ADAMTS12: variants seen among roughly 807,000 people sequenced by gnomAD.
ADAMTS12 encodes the protein ADAM metallopeptidase with thrombospondin type 1 motif 12.
ADAMTS12 carries 118 observed loss-of-function variants against 167.8 expected under a neutral mutation model. The observed-to-expected ratio is 0.70, with a 90% CI of 0.61 to 0.82. The LOEUF (loss-of-function observed/expected upper bound fraction) is 0.82. Among genes scored for constraint, ADAMTS12 ranks in the 40% least tolerant of loss-of-function variants. The probability of loss-of-function intolerance (pLI) is 0.00; values close to 1 mark genes in which losing one functional copy is unlikely to be tolerated. For synonymous variants in ADAMTS12, 704 were observed against 716.9 expected (o/e 0.98, Z 0.29); for missense variants, 1,916 against 1,998.8 (o/e 0.96, Z 0.79).
intron 18 of ADAMTS12, among the ~76,000 whole-genome samples, chr5:33,577,502 A>T (rs1746820315): frequency 6.6e-6 from 1 of 152,228 alleles, no homozygotes; most frequent in Non-Finnish European, 1.5e-5. Flanking sequence ...AGAGCTAGTA[A>T]GTCACACTGT....
chr5:33,889,870 T>C (rs1275446381), intron 1 of ADAMTS12, among the ~76,000 whole-genome samples: 1 of 152,130 alleles, frequency 6.6e-6, no homozygotes, highest in Non-Finnish European at 1.5e-5. Context: ...GAGAATCACT[T>C]GAACCCGGGA....
intron 1 of ADAMTS12, among the ~76,000 whole-genome samples, chr5:33,888,636 TAA>T (rs1449200737): frequency 6.6e-6 from 1 of 152,182 alleles, no homozygotes; most frequent in Non-Finnish European, 1.5e-5. Flanking sequence ...TAATATGGAA[TAA>T]AGTGACTGTC....
intron 2 of ADAMTS12, among the ~76,000 whole-genome samples, chr5:33,786,245 C>T (rs1412144426): frequency 6.6e-6 from 1 of 152,000 alleles, no homozygotes; most frequent in South Asian, 2.1e-4. Context: ...TCCACAACTG[C>T]CTAAATTTAC....
Position 33,614,349 on chromosome 5 carries a change from T to C in ADAMTS12, c.2416A>G (p.Ile806Val). ...QLLFQVTNPG[I>V]KYEYTIQKDG... ...TTCTGGATTGTGTACTCATACTTGA[T>C]GCCAGGGTTAGTCACCTGGAATAGA... The change falls in exon 16 of 24, where the codon ATC becomes GTC. Residue 806 changes from isoleucine (I) to valine (V), a missense_variant. Transcript: ENST00000504830. The C allele has an allele frequency of 6.2e-7, 1 of 1,614,134 alleles. No individual in the cohort carries two copies. Among genetic ancestry groups the C allele is most frequent in the Non-Finnish European group, 8.5e-7 (1 of 1,179,976 alleles).
intron 11 of ADAMTS12, among the ~76,000 whole-genome samples, chr5:33,639,062 G>A (rs1740330121): frequency 1.3e-5 from 2 of 152,094 alleles, no homozygotes; most frequent in Admixed American, 1.3e-4. Context: ...ATCTGAATAA[G>A]TTACCTCATT....
chr5:33,844,995 C>T (rs1748891681), intron 2 of ADAMTS12, among the ~76,000 whole-genome samples: 1 of 152,158 alleles, frequency 6.6e-6, no homozygotes, highest in Admixed American at 6.5e-5. Context: ...AGACCACAGT[C>T]GGCCACAGGT....
chr5:33,629,360 C>A (rs78395356), intron 13 of ADAMTS12, among the ~76,000 whole-genome samples: 52,583 of 151,944 alleles, frequency 0.35, 10,248 homozygotes, highest in African/African-American at 0.54. Flanking sequence ...AGTGGAAAAA[C>A]ATATTATAAA....
In ADAMTS12 at chr5:33,576,056, C is replaced by T. The variant is rs775018098; in HGVS notation, c.3970G>A (p.Glu1324Lys). 1.4e-5 allele frequency: 23 copies of T among 1,610,188 alleles called. 1 individual carries two copies. Among genetic ancestry groups the T allele is most frequent in the Middle Eastern group, 1.6e-4 (1 of 6,066 alleles). ...SAHWIVGNWS[E>K]CSTTCGLGAY... ...GCCAGGGGTAGGAAATGTCTTACCT[C>T]GCTCCAGTTTCCGACGATCCAGTGT... The change falls in exon 19 of 24, where the codon GAG (glutamate) becomes AAG (lysine). Residue 1324 changes from glutamate to lysine, a missense_variant and splice_region_variant. Transcript: ENST00000504830.
At chr5:33,686,803 G>C (rs958640313) in intron 3 of ADAMTS12, among the ~76,000 whole-genome samples, 5 of 150,868 alleles carry the variant, frequency 3.3e-5, no homozygotes, top group African/African-American at 4.9e-5. Flanking sequence ...TATATATAGA[G>C]AGAGAGAGGG....
intron 2 of ADAMTS12, among the ~76,000 whole-genome samples, chr5:33,811,946 A>G (rs10062345): frequency 0.76 from 116,132 of 151,866 alleles, 44,703 homozygotes; most frequent in African/African-American, 0.84. Flanking sequence ...AGGAAGAGAG[A>G]GTGAAGTCAG....
chr5:33,780,208 T>G (rs932760170), intron 2 of ADAMTS12, among the ~76,000 whole-genome samples: 34 of 152,212 alleles, frequency 2.2e-4, no homozygotes, highest in Admixed American at 1.9e-3. Flanking sequence ...AAAATTTACC[T>G]TAACAATTAA....
chr5:33,696,808 G>C (rs1299859091), intron 3 of ADAMTS12, among the ~76,000 whole-genome samples: 4 of 152,214 alleles, frequency 2.6e-5, no homozygotes, highest in Non-Finnish European at 5.9e-5. Context: ...TGACAAACCA[G>C]TCTTGGCTTC....
chr5:33,527,212 C>A lies in ADAMTS12; in HGVS notation c.4761G>T (p.Leu1587Phe). The A allele has an allele frequency of 6.2e-7, 1 of 1,614,084 alleles. No homozygotes were observed. Among genetic ancestry groups the A allele is most frequent in the Non-Finnish European group, 8.5e-7 (1 of 1,180,004 alleles). ...CTTAGAGTTCTTTTGACTTTTGGAG[C>A]AACCGTTGCCTTCTTTGCCTTTGGG... ...THTQRQRRQR[L>F]LQKSKEL is the part of the protein sequence containing the mutation. Residue 1587 changes from leucine (L) to phenylalanine (F), a missense_variant, in exon 24 of 24, where the codon TTG becomes TTT. By Grantham distance (22) the Leu-to-Phe change is conservative (BLOSUM62 0). Transcript: ENST00000504830.
In ADAMTS12 at chr5:33,849,591, C is replaced by CATATGTACTGCATAGCAATAT. The variant is rs1749130844; in HGVS notation, c.489+31527_489+31528insATATTGCTATGCAGTACATAT. The stretch of plus-strand genomic sequence containing the variant: ...CACATGTGTATTGCATAGCAATACA[C>CATATGTACTGCATAGCAATAT]ATATGTATTGCATAGCAATATATAT... On this transcript the variant is annotated intron_variant, in intron 2 of 23. Transcript: ENST00000504830. Among the ~76,000 whole-genome samples the CATATGTACTGCATAGCAATAT allele has an allele frequency of 7.2e-5, 5 of 68,992 alleles. 1 individual carries two copies. Among genetic ancestry groups the CATATGTACTGCATAGCAATAT allele is most frequent in the Non-Finnish European group, 1.5e-4 (5 of 33,102 alleles). 45.3% of individuals were successfully genotyped at this position (68,992 alleles called of 152,430 possible).
At chr5:33,655,549 T>A (rs1316690528) in intron 7 of ADAMTS12, among the ~76,000 whole-genome samples, 1 of 151,984 alleles carries the variant, frequency 6.6e-6, no homozygotes, top group Non-Finnish European at 1.5e-5. Flanking sequence ...TCCCTACTGG[T>A]ATTTCCTTTA....
intron 20 of ADAMTS12, among the ~76,000 whole-genome samples, chr5:33,555,345 A>C (rs2111860560): frequency 6.6e-6 from 1 of 152,250 alleles, no homozygotes. Flanking sequence ...CTTGGGCTCA[A>C]GTGATCCGTC....
chr5:33,535,671 T>C (rs1023176445), intron 22 of ADAMTS12, among the ~76,000 whole-genome samples: 16 of 151,690 alleles, frequency 1.1e-4, no homozygotes, highest in African/African-American at 3.9e-4. Flanking sequence ...TGGAGGGAGG[T>C]TGAATTGCAA....
At chr5:33,646,307 A>T (rs1369548560) in intron 9 of ADAMTS12, among the ~76,000 whole-genome samples, 1 of 152,236 alleles carries the variant, frequency 6.6e-6, no homozygotes, top group Non-Finnish European at 1.5e-5. Context: ...AAAATGTAGC[A>T]GAAATGTTAA....
At chr5:33,885,359 G>A (rs1365311718) in intron 1 of ADAMTS12, among the ~76,000 whole-genome samples, 1 of 152,078 alleles carries the variant, frequency 6.6e-6, no homozygotes. Context: ...GAGATTTGGG[G>A]TGTGGTTTTT....
Sources: gnomAD v4.1 joint callset for allele counts (sites outside exome capture counted in the v4.1 genomes callset) on GRCh38, gnomAD v4.1.1 for gene constraint, MANE v1.5 for transcripts, NCBI Gene and HGNC (gene_info 2026-07-23, HGNC 2026-07-21) for gene names.